The following NCAM1 variants were observed in gnomAD, a reference collection of about 807,000 sequenced individuals.
NCAM1 encodes the protein antigen recognized by monoclonal antibody 5.1H11.
Under a neutral mutation model 109.8 loss-of-function variants are expected in NCAM1, and 14 were observed. The observed-to-expected ratio is 0.13, with a 90% CI of 0.08 to 0.20. The LOEUF is 0.20. NCAM1 is among the 10% of genes least tolerant of loss of function. The pLI is 1.00. For synonymous variants in NCAM1, 418 were observed against 442.9 expected (o/e 0.94, Z 0.70); for missense variants, 774 against 1,109.9 (o/e 0.70, Z 4.30).
chr11:113,251,770 CAT>C (rs1484906118), intron 15 of NCAM1, among the ~76,000 whole-genome samples: 9 of 152,138 alleles, frequency 5.9e-5, no homozygotes, highest in Admixed American at 5.9e-4. Context: ...TGAACTTACT[CAT>C]AATGATTTCA....
intron 1 of NCAM1, among the ~76,000 whole-genome samples, chr11:112,967,231 T>A (rs562940394): frequency 6.6e-6 from 1 of 152,236 alleles, no homozygotes; most frequent in Non-Finnish European, 1.5e-5. Context: ...TCCTTTGGTA[T>A]CTGATTACCT....
Position 113,142,970 on chromosome 11 carries a change from G to A in NCAM1, c.53-59409G>A, listed in dbSNP as rs1040180668. ...TTGCTCTTTCTATACTTCTTTTTCTGAAAATTTAAAGGGATGCAGACATCA... is the reference window on the plus strand; with the variant it reads ...TTGCTCTTTCTATACTTCTTTTTCTAAAAATTTAAAGGGATGCAGACATCA... On this transcript the variant is annotated intron_variant, in intron 1 of 19. Coordinates refer to ENST00000316851, the MANE Select transcript of NCAM1 (RefSeq NM_181351.5). 5.3e-5 allele frequency among the ~76,000 whole-genome samples: 8 copies of A among 152,160 alleles called. No individual in the cohort carries two copies. The East Asian group carries it at 1.5e-3, about 29-fold the overall frequency.
intron 10 of NCAM1, 141 bp downstream of exon 10, chr11:113,231,936 A>G: frequency 8.1e-7 from 1 of 1,237,120 alleles, no homozygotes; most frequent in Non-Finnish European, 1.1e-6. Flanking sequence ...GCTATTTCAG[A>G]GCTCTGTTCC....
At position 113,168,173 on chromosome 11, in the gene NCAM1, T is replaced by A. The variant is rs556684254; in HGVS notation, c.53-34206T>A. 2.0e-5 allele frequency among the ~76,000 whole-genome samples: 3 copies of A among 152,282 alleles called. 1 individual carries two copies. The South Asian group carries it at 6.2e-4, about 32-fold the overall frequency. ...CATTTGAAGGATGTTCCTTGAAAAA[T>A]GTTGCCTTGTGGAAAGGTGCTATAT... On this transcript the variant is annotated intron_variant, in intron 1 of 19. Transcript: ENST00000316851.
At chr11:113,013,760 T>G (rs1160970653) in intron 1 of NCAM1, among the ~76,000 whole-genome samples, 1 of 152,226 alleles carries the variant, frequency 6.6e-6, no homozygotes, top group East Asian at 1.9e-4. Flanking sequence ...ATTAGCCAAG[T>G]TAACGTCAAT....
chr11:113,263,684 C>A, intron 17 of NCAM1: 1 of 985,566 alleles, frequency 1.0e-6, no homozygotes. Context: ...GGGTGACTCC[C>A]CTGCTGCCTG....
chr11:113,132,365 A>G (rs975383480), intron 1 of NCAM1, among the ~76,000 whole-genome samples: 1 of 152,176 alleles, frequency 6.6e-6, no homozygotes, highest in Non-Finnish European at 1.5e-5. Flanking sequence ...AACTAGGAAA[A>G]GATGAAACAA....
intron 1 of NCAM1, among the ~76,000 whole-genome samples, chr11:113,161,098 A>G (rs1942586318): frequency 6.6e-6 from 1 of 151,386 alleles, no homozygotes; most frequent in Non-Finnish European, 1.5e-5. Context: ...ATTACACATG[A>G]TCGTGATCTA....
chr11:113,173,590 TG>T (rs1555106568), intron 1 of NCAM1, among the ~76,000 whole-genome samples: 32 of 30,150 alleles, frequency 1.1e-3, no homozygotes, highest in Non-Finnish European at 1.6e-3. Flanking sequence ...GCATGTTACC[TG>T]ATATATATAT....
intron 1 of NCAM1, among the ~76,000 whole-genome samples, chr11:113,021,166 C>G (rs1952373514): frequency 6.6e-6 from 1 of 152,228 alleles, no homozygotes; most frequent in Non-Finnish European, 1.5e-5. Context: ...GTGTTTACCA[C>G]ATGCCAGGCA....
intron 1 of NCAM1, among the ~76,000 whole-genome samples, chr11:113,167,095 C>G (rs886918651): frequency 5.9e-5 from 9 of 152,178 alleles, no homozygotes; most frequent in Non-Finnish European, 1.5e-5. Context: ...TCTCACTACA[C>G]TGACTAGAAA....
At chr11:113,246,854 C>T (rs782222078) in intron 15 of NCAM1, among the ~76,000 whole-genome samples, 1 of 152,164 alleles carries the variant, frequency 6.6e-6, no homozygotes, top group Non-Finnish European at 1.5e-5. Flanking sequence ...TTGTTCAAAA[C>T]CCAGTGAGAG....
chr11:113,259,700 C>A (rs1264553794), intron 16 of NCAM1, among the ~76,000 whole-genome samples: 1 of 113,472 alleles, frequency 8.8e-6, no homozygotes, highest in Non-Finnish European at 1.8e-5. Flanking sequence ...CCCATCATTG[C>A]TTTTTTTTTT....
At chr11:113,082,980 GT>G (rs1938907146) in intron 1 of NCAM1, among the ~76,000 whole-genome samples, 1 of 151,694 alleles carries the variant, frequency 6.6e-6, no homozygotes, top group Admixed American at 6.6e-5. Context: ...TGGGAAGAGA[GT>G]TTTTTCAAAG....
intron 17 of NCAM1, among the ~76,000 whole-genome samples, chr11:113,262,463 C>T (rs1243994395): frequency 6.6e-6 from 1 of 152,212 alleles, no homozygotes; most frequent in Non-Finnish European, 1.5e-5. Flanking sequence ...GTGGAGGCTT[C>T]TGTTCTCTCA....
chr11:113,260,480 T>A (rs1555123135), intron 17 of NCAM1, 157 bp downstream of exon 17: 1 of 762,380 alleles, frequency 1.3e-6, no homozygotes, highest in African/African-American at 1.8e-5. Flanking sequence ...TGTACCTATC[T>A]GTGCAGTGGG....
In NCAM1 at chr11:113,260,156, A is replaced by T; in HGVS notation, c.1964A>T (p.Glu655Val). Residue 655 changes from glutamate (E) to valine (V), a missense_variant, in exon 17 of 20, where the codon GAG (glutamate) becomes GTG (valine). Physicochemically the swap from Glu to Val is moderately radical, Grantham distance 121. Transcript: ENST00000316851. ...GGTTTCTCCCAGAAGCTCTCCTCCGAGTGGAAACCAGAGATCAGGCTCCCG... is the reference window on the plus strand; with the variant it reads ...GGTTTCTCCCAGAAGCTCTCCTCCGTGTGGAAACCAGAGATCAGGCTCCCG... ...YLVRYRALSS[E>V]WKPEIRLPSG... The T allele has an allele frequency of 6.2e-7, 1 of 1,610,854 alleles. No homozygotes were observed.
rs112454729 is a variant in NCAM1 at position 113,157,136 on chromosome 11, G to GACACACAC, written c.53-45221_53-45214dup. Among the ~76,000 whole-genome samples, 722 of 146,958 alleles carry GACACACAC rather than the reference G, an allele frequency of 4.9e-3. 6 individuals carry two copies. Among genetic ancestry groups the GACACACAC allele is most frequent in the African/African-American group, 0.013 (531 of 40,246 alleles). On this transcript the variant is annotated intron_variant, in intron 1 of 19. Transcript: ENST00000316851. ...TTAAAGACAAAAGGTGTTTCCCTGA[G>GACACACAC]ACACACACACACACACACACACACA...
intron 2 of NCAM1, among the ~76,000 whole-genome samples, chr11:113,203,676 C>A (rs1289571665): frequency 6.6e-6 from 1 of 152,234 alleles, no homozygotes. Flanking sequence ...TTCTTTGCAG[C>A]ATGCAAGGAA....
Sources: gnomAD v4.1 joint callset for allele counts (sites outside exome capture counted in the v4.1 genomes callset) on GRCh38, gnomAD v4.1.1 for gene constraint, MANE v1.5 for transcripts, NCBI Gene and HGNC (gene_info 2026-07-23, HGNC 2026-07-21) for gene names.